Variants in MALRD1 observed in about 807,000 individuals in gnomAD.
MALRD1 encodes the protein MAM and LDL receptor class A domain containing 1.
Under a neutral mutation model 242.1 loss-of-function variants are expected in MALRD1, and 247 were observed. The ratio of observed to expected loss-of-function variants is 1.02; its 90% CI spans 0.92 to 1.13. MALRD1 has a LOEUF of 1.13. Ranked by LOEUF, MALRD1 falls within the 50% of genes most tolerant of loss-of-function variation. The pLI is 0.00. For missense variants in MALRD1, 2,989 were observed against 2,533.1 expected, an observed-to-expected ratio of 1.18 and a Z score of -3.86; for synonymous variants, 995 against 866.6, an observed-to-expected ratio of 1.15 and a Z score of -2.60.
chr10:19,672,729 A>G (rs1008487821), intron 36 of MALRD1, among the ~76,000 whole-genome samples: 23 of 151,872 alleles, frequency 1.5e-4, no homozygotes, highest in African/African-American at 5.6e-4. Flanking sequence ...CGACCAATAT[A>G]TATCTTTTTG....
At chr10:19,592,760 C>T (rs1407836936) in intron 33 of MALRD1, among the ~76,000 whole-genome samples, 4 of 99,696 alleles carry the variant, frequency 4.0e-5, no homozygotes, top group African/African-American at 6.8e-5. Context: ...CACACACACA[C>T]ACGCACGCAC....
At chr10:19,480,977 C>CA in intron 29 of MALRD1, among the ~76,000 whole-genome samples, 1 of 151,880 alleles carries the variant, frequency 6.6e-6, no homozygotes, top group African/African-American at 2.4e-5. Context: ...TATCCATGCA[C>CA]AAAATATTAA....
At chr10:19,646,565 A>C (rs1470430953) in intron 36 of MALRD1, among the ~76,000 whole-genome samples, 1 of 152,084 alleles carries the variant, frequency 6.6e-6, no homozygotes, top group African/African-American at 2.4e-5. Context: ...AAATCGCACC[A>C]CTGCACTCCA....
intron 18 of MALRD1, among the ~76,000 whole-genome samples, chr10:19,236,624 C>T (rs1000809832): frequency 1.3e-5 from 2 of 152,084 alleles, no homozygotes; most frequent in Admixed American, 6.6e-5. Context: ...TTTTGCTTCA[C>T]ATCAGGGAAA....
At chr10:19,545,965 C>T (rs937539526) in intron 32 of MALRD1, among the ~76,000 whole-genome samples, 9 of 152,078 alleles carry the variant, frequency 5.9e-5, no homozygotes, top group Non-Finnish European at 1.0e-4. Context: ...GTGAATGCTT[C>T]CCCCTTTCAT....
intron 33 of MALRD1, among the ~76,000 whole-genome samples, chr10:19,574,496 G>A (rs1027195494): frequency 2.6e-5 from 4 of 152,152 alleles, no homozygotes; most frequent in African/African-American, 4.8e-5. Flanking sequence ...GAGAGATCGC[G>A]AACAAGAGAC....
At chr10:19,466,803 C>G (rs564938312) in intron 29 of MALRD1, among the ~76,000 whole-genome samples, 2 of 152,184 alleles carry the variant, frequency 1.3e-5, no homozygotes, top group African/African-American at 4.8e-5. Flanking sequence ...TCATATACAT[C>G]TATGCACATA....
At chr10:19,434,594 A>T (rs1274503158) in intron 28 of MALRD1, among the ~76,000 whole-genome samples, 1 of 151,984 alleles carries the variant, frequency 6.6e-6, no homozygotes, top group Non-Finnish European at 1.5e-5. Flanking sequence ...ATATTAATCT[A>T]GATTCACATA....
At chr10:19,355,174 C>A (rs1448754658) in intron 26 of MALRD1, among the ~76,000 whole-genome samples, 1 of 151,972 alleles carries the variant, frequency 6.6e-6, no homozygotes, top group African/African-American at 2.4e-5. Flanking sequence ...AGGGATGGTT[C>A]ATGCACACTG....
chr10:19,602,515 G>T (rs188879338), intron 34 of MALRD1, among the ~76,000 whole-genome samples: 1 of 151,872 alleles, frequency 6.6e-6, no homozygotes, highest in East Asian at 1.9e-4. Flanking sequence ...TCCCTGCAAA[G>T]GACATGAACT....
intron 5 of MALRD1, among the ~76,000 whole-genome samples, chr10:19,116,886 C>T (rs749129734): frequency 6.6e-6 from 1 of 152,004 alleles, no homozygotes. Context: ...GTCAGGAGTT[C>T]GAGACCAGCC....
At chr10:19,646,242 A>G (rs1026687980) in intron 36 of MALRD1, among the ~76,000 whole-genome samples, 1 of 152,178 alleles carries the variant, frequency 6.6e-6, no homozygotes, top group African/African-American at 2.4e-5. Flanking sequence ...AAAACTCTCT[A>G]CACTGTCTGA....
chr10:19,483,607 G>A (rs1315808854), intron 29 of MALRD1, among the ~76,000 whole-genome samples: 4 of 152,134 alleles, frequency 2.6e-5, no homozygotes, highest in Admixed American at 2.0e-4. Context: ...TTTCACATCA[G>A]TCAGAATGGT....
intron 26 of MALRD1, among the ~76,000 whole-genome samples, chr10:19,371,653 T>C (rs1845384910): frequency 6.6e-6 from 1 of 152,240 alleles, no homozygotes; most frequent in African/African-American, 2.4e-5. Flanking sequence ...TCATAGTTTG[T>C]TGAAATTTTT....
intron 14 of MALRD1, among the ~76,000 whole-genome samples, chr10:19,196,842 A>T (rs898934242): frequency 6.6e-6 from 1 of 152,116 alleles, no homozygotes; most frequent in South Asian, 2.1e-4. Flanking sequence ...TGTTTTTCTC[A>T]TACTACACCT....
intron 28 of MALRD1, among the ~76,000 whole-genome samples, chr10:19,408,432 T>A (rs1171503085): frequency 3.9e-5 from 6 of 152,210 alleles, no homozygotes; most frequent in African/African-American, 1.4e-4. Context: ...CCAGCCTTGA[T>A]CCTTGACTTC....
intron 14 of MALRD1, among the ~76,000 whole-genome samples, chr10:19,192,194 A>G (rs1190682282): frequency 1.3e-5 from 2 of 152,174 alleles, no homozygotes; most frequent in Non-Finnish European, 2.9e-5. Flanking sequence ...AAAGGAGTGG[A>G]TAATTCTTGT....
chr10:19,413,726 G>A (rs1490844507), intron 28 of MALRD1, among the ~76,000 whole-genome samples: 1 of 151,884 alleles, frequency 6.6e-6, no homozygotes, highest in Non-Finnish European at 1.5e-5. Context: ...GCTTACACCT[G>A]TAATCCCAGT....
chr10:19,109,189 C>T (rs1199478485), intron 5 of MALRD1, among the ~76,000 whole-genome samples: 1 of 152,196 alleles, frequency 6.6e-6, no homozygotes, highest in Non-Finnish European at 1.5e-5. Flanking sequence ...GCTCCTTGGA[C>T]AAGCTTCCCC....
Sources: allele counts gnomAD v4.1 joint callset (sites outside exome capture counted in the v4.1 genomes callset), GRCh38; gene constraint gnomAD v4.1.1; transcripts MANE v1.5; gene names NCBI Gene and HGNC (gene_info 2026-07-23, HGNC 2026-07-21).